The following POU2F3 variants were observed in gnomAD, a reference collection of about 807,000 sequenced individuals.
POU2F3 encodes POU class 2 homeobox 3.
POU2F3 carries 23 observed loss-of-function variants against 59.2 expected under a neutral mutation model. That is an observed-to-expected ratio of 0.39 (90% CI 0.28 to 0.55). POU2F3 has a LOEUF of 0.55. POU2F3 is among the 20% of genes least tolerant of loss of function. POU2F3 has a pLI of 0.66. For synonymous variants in POU2F3, 190 were observed against 214.6 expected (o/e 0.89, Z 1.00); for missense variants, 473 against 544.5 (o/e 0.87, Z 1.31).
chr11:120,283,226 T>C (rs1313002134), intron 3 of POU2F3, among the ~76,000 whole-genome samples: 2 of 152,192 alleles, frequency 1.3e-5, no homozygotes, highest in Non-Finnish European at 2.9e-5. Context: ...GTGCCTCCCT[T>C]AAGGATGGCC....
At chr11:120,318,045 G>A (rs913029660) in intron 12 of POU2F3, among the ~76,000 whole-genome samples, 4 of 152,148 alleles carry the variant, frequency 2.6e-5, no homozygotes, top group Admixed American at 1.3e-4. Context: ...TGCATAGCCC[G>A]AAACGTTGGC....
At chr11:120,268,575 C>A (rs947162364) in intron 2 of POU2F3, among the ~76,000 whole-genome samples, 2 of 152,178 alleles carry the variant, frequency 1.3e-5, no homozygotes, top group African/African-American at 4.8e-5. Flanking sequence ...CTCCTGAGCT[C>A]AAGTGATCCT....
At chr11:120,263,275 C>T (rs1939683618) in intron 2 of POU2F3, among the ~76,000 whole-genome samples, 1 of 152,190 alleles carries the variant, frequency 6.6e-6, no homozygotes, top group Non-Finnish European at 1.5e-5. Flanking sequence ...CAGGCGTGAC[C>T]CACCGCGCCC....
rs1296561401 is a variant in POU2F3 at position 120,285,186 on chromosome 11, C to T, written c.133-13079C>T. 6.6e-6 allele frequency among the ~76,000 whole-genome samples: 1 copy of T among 152,114 alleles called. No homozygotes were observed. The highest frequency in any genetic ancestry group is 1.9e-4 in the East Asian group (1 of 5,194). The stretch of plus-strand genomic sequence containing the variant: ...AAAGAAATGTTTACTAATCATGAGC[C>T]TCAAAAGCCTAAGAAAGAGTGATTC... On this transcript the variant is annotated intron_variant, in intron 3 of 12. Coordinates refer to ENST00000543440, the MANE Select transcript of POU2F3 (RefSeq NM_014352.4). The surrounding 1 kb of genome is among the most constrained non-coding windows in gnomAD (Gnocchi z 4.3).
intron 7 of POU2F3, 49 bp from the exon 8 acceptor site, chr11:120,305,595 G>C (rs746794636): frequency 3.7e-6 from 6 of 1,602,648 alleles, no homozygotes; most frequent in Admixed American, 1.7e-5. Flanking sequence ...GGGCAAACAA[G>C]AGGAGGAGGC....
chr11:120,236,816 T>C (rs2135106110), upstream of POU2F3: 3 of 1,138,134 alleles, frequency 2.6e-6, no homozygotes, highest in South Asian at 1.3e-5. Flanking sequence ...CTCAACCCTA[T>C]ACACAGGTGG....
At chr11:120,241,339 G>A (rs1233422515) in intron 1 of POU2F3, among the ~76,000 whole-genome samples, 1 of 152,206 alleles carries the variant, frequency 6.6e-6, no homozygotes. Context: ...TAGGGAGGAG[G>A]CAATGCTCCA....
At chr11:120,279,085 C>G (rs1245804646) in intron 3 of POU2F3, among the ~76,000 whole-genome samples, 1 of 152,084 alleles carries the variant, frequency 6.6e-6, no homozygotes, top group Non-Finnish European at 1.5e-5. Context: ...GATGGGAAAA[C>G]TGAGGCACTG....
chr11:120,316,045 T>A, intron 11 of POU2F3, among the ~76,000 whole-genome samples: 1 of 152,000 alleles, frequency 6.6e-6, no homozygotes, highest in Non-Finnish European at 1.5e-5. Flanking sequence ...GCTGATTTTT[T>A]GTATTTTTAG....
chr11:120,236,651 C>G (rs937116704), upstream of POU2F3: 8 of 1,484,590 alleles, frequency 5.4e-6, no homozygotes, highest in Non-Finnish European at 7.3e-6. Flanking sequence ...TCACTCCAGC[C>G]CAGAGCTCAA....
At chr11:120,286,663 T>C (rs866504246) in intron 3 of POU2F3, among the ~76,000 whole-genome samples, 1 of 152,198 alleles carries the variant, frequency 6.6e-6, no homozygotes, top group Non-Finnish European at 1.5e-5. Context: ...TGTCAACTTA[T>C]ACGCTCTTTG....
intron 2 of POU2F3, among the ~76,000 whole-genome samples, 164 bp from the exon 3 acceptor site, chr11:120,269,046 C>T (rs538286683): frequency 1.3e-5 from 2 of 152,280 alleles, no homozygotes; most frequent in East Asian, 1.9e-4. Flanking sequence ...TTTCCAAAGG[C>T]GTTTCCAGGA....
intron 3 of POU2F3, among the ~76,000 whole-genome samples, chr11:120,273,310 G>C (rs1325140673): frequency 6.6e-6 from 1 of 152,216 alleles, no homozygotes; most frequent in African/African-American, 2.4e-5. Context: ...AAGATAAACT[G>C]CAACGATGCA....
At chr11:120,242,704 G>A (rs1235854535) in intron 1 of POU2F3, among the ~76,000 whole-genome samples, 1 of 152,304 alleles carries the variant, frequency 6.6e-6, no homozygotes. Context: ...TAGCCCCATT[G>A]TCTTGCTCTG....
intron 5 of POU2F3, 48 bp downstream of exon 5, chr11:120,299,774 G>A: frequency 6.6e-7 from 1 of 1,508,588 alleles, no homozygotes; most frequent in Non-Finnish European, 9.0e-7. Flanking sequence ...GTCAAGTGCT[G>A]CTGTTGCTGC....
rs370516030 is a variant in POU2F3 at position 120,263,056 on chromosome 11, A to G, written c.98-6154A>G. On this transcript the variant is annotated intron_variant, in intron 2 of 12. Coordinates refer to ENST00000543440, the MANE Select transcript of POU2F3 (RefSeq NM_014352.4). ...GCCCAGGCTGCAGGGCAGTGGCACA[A>G]TCTTGGTTCACTGCAAACTCTGCCT... Among the ~76,000 whole-genome samples, 250 of 151,952 alleles carry G rather than the reference A, an allele frequency of 1.6e-3. 4 individuals carry two copies. Among genetic ancestry groups the G allele is most frequent in the African/African-American group, 5.8e-3 (242 of 41,454 alleles).
At chr11:120,296,199 A>G (rs1363350412) in intron 3 of POU2F3, among the ~76,000 whole-genome samples, 2 of 152,236 alleles carry the variant, frequency 1.3e-5, no homozygotes, top group Admixed American at 1.3e-4. Flanking sequence ...TCAGCATTCA[A>G]TGCACATCTT....
At chr11:120,294,431 A>G (rs2135270500) in intron 3 of POU2F3, among the ~76,000 whole-genome samples, 1 of 152,338 alleles carries the variant, frequency 6.6e-6, no homozygotes, top group African/African-American at 2.4e-5. Flanking sequence ...GATCTTCTTG[A>G]TTCCAGGCAG....
At chr11:120,265,699 A>T (rs1014460408) in intron 2 of POU2F3, among the ~76,000 whole-genome samples, 8 of 152,244 alleles carry the variant, frequency 5.3e-5, no homozygotes, top group African/African-American at 1.9e-4. Flanking sequence ...GCATTCACAG[A>T]AATCAAAAGT....
Sources: allele counts gnomAD v4.1 joint callset (sites outside exome capture counted in the v4.1 genomes callset), GRCh38; gene constraint gnomAD v4.1.1; non-coding constraint Gnocchi (gnomAD v3.1); transcripts MANE v1.5; gene names NCBI Gene and HGNC (gene_info 2026-07-23, HGNC 2026-07-21).